The following ADGRL3 variants were observed in gnomAD, a reference collection of about 807,000 sequenced individuals.
ADGRL3 encodes calcium-independent alpha-latrotoxin receptor 3.
In ADGRL3, 62 loss-of-function variants were observed where a neutral mutation model predicts 153.5. The ratio of observed to expected loss-of-function variants is 0.40; its 90% CI spans 0.33 to 0.50. The LOEUF (loss-of-function observed/expected upper bound fraction) is 0.50, where lower values mean the gene tolerates loss of function less well. Among genes scored for constraint, ADGRL3 ranks in the 20% least tolerant of loss-of-function variants. The pLI, the probability that ADGRL3 is intolerant of heterozygous loss-of-function variation, is 0.47. For missense variants in ADGRL3, 1,641 were observed against 1,859.4 expected, an observed-to-expected ratio of 0.88 and a Z score of 2.16; for synonymous variants, 710 against 672.5, an observed-to-expected ratio of 1.06 and a Z score of -0.86.
intron 5 of ADGRL3, among the ~76,000 whole-genome samples, chr4:61,673,856 G>T (rs962174816): frequency 6.6e-6 from 1 of 150,900 alleles, no homozygotes; most frequent in Non-Finnish European, 1.5e-5. Context: ...ATTTTGAAAG[G>T]TGAATGTTAT....
intron 8 of ADGRL3, among the ~76,000 whole-genome samples, chr4:61,812,311 C>T (rs1241382745): frequency 1.3e-5 from 2 of 152,166 alleles, no homozygotes; most frequent in Non-Finnish European, 2.9e-5. Context: ...ACTGTCTCTG[C>T]TGTTAGCTGG....
At chr4:61,573,971 C>G (rs2149177108) in intron 4 of ADGRL3, among the ~76,000 whole-genome samples, 1 of 151,984 alleles carries the variant, frequency 6.6e-6, no homozygotes, top group South Asian at 2.1e-4. Context: ...AGTGTATAGA[C>G]AATAAAAATG....
intron 4 of ADGRL3, among the ~76,000 whole-genome samples, chr4:61,521,150 G>A (rs574771755): frequency 6.6e-6 from 1 of 152,292 alleles, no homozygotes; most frequent in Non-Finnish European, 1.5e-5. Context: ...TGTGGAGCAT[G>A]TAGGGGGATT....
chr4:62,058,981 A>G (rs957985817), intron 25 of ADGRL3, among the ~76,000 whole-genome samples: 1 of 152,178 alleles, frequency 6.6e-6, no homozygotes. Flanking sequence ...AAGGGGGAAG[A>G]AGACAGCTTC....
In ADGRL3 at chr4:61,827,219, G is replaced by A. The variant is rs143306836; in HGVS notation, c.1480+13330G>A. Among the ~76,000 whole-genome samples the A allele has an allele frequency of 3.9e-5, 6 of 152,258 alleles. No individual in the cohort carries two copies. The East Asian group carries it at 5.8e-4, about 15-fold the overall frequency. On this transcript the variant is annotated intron_variant, in intron 9 of 26. Coordinates refer to ENST00000683033, the MANE Select transcript of ADGRL3 (RefSeq NM_001387552.1). ...CTAACGGATAACCAATGAAAAGACC[G>A]CATTTGCTGTGCCCACACAATCAGA...
intron 4 of ADGRL3, among the ~76,000 whole-genome samples, chr4:61,566,976 GTTTAC>G (rs1268102117): frequency 2.0e-5 from 3 of 151,954 alleles, no homozygotes; most frequent in Admixed American, 1.3e-4. Context: ...ATTATTAATC[GTTTAC>G]TTTACTTCCC....
intron 8 of ADGRL3, among the ~76,000 whole-genome samples, chr4:61,783,959 A>G (rs1329918447): frequency 6.6e-6 from 1 of 152,104 alleles, no homozygotes; most frequent in East Asian, 1.9e-4. Context: ...TGATGTAAGA[A>G]AATGCAACTT....
At chr4:61,287,160 A>C (rs1020508032) in intron 1 of ADGRL3, among the ~76,000 whole-genome samples, 1 of 151,918 alleles carries the variant, frequency 6.6e-6, no homozygotes, top group African/African-American at 2.4e-5. Flanking sequence ...GAAACAGTCC[A>C]AGTACACAAT....
intron 1 of ADGRL3, among the ~76,000 whole-genome samples, chr4:61,251,232 C>T (rs1275348128): frequency 6.6e-6 from 1 of 152,182 alleles, no homozygotes; most frequent in Non-Finnish European, 1.5e-5. Context: ...CATCTGGAGG[C>T]TCTTTCACTC....
chr4:61,866,730 T>G (rs1036877427), intron 9 of ADGRL3, among the ~76,000 whole-genome samples: 1 of 152,184 alleles, frequency 6.6e-6, no homozygotes, highest in Non-Finnish European at 1.5e-5. Context: ...CTTCTGGCAT[T>G]AACTAAAATG....
At chr4:61,231,973 G>A (rs559040207) in intron 1 of ADGRL3, among the ~76,000 whole-genome samples, 1 of 151,710 alleles carries the variant, frequency 6.6e-6, no homozygotes, top group East Asian at 1.9e-4. Context: ...CAGTGTGTGG[G>A]GAAGCATTAC....
At chr4:61,212,950 C>A (rs1390724830) in intron 1 of ADGRL3, among the ~76,000 whole-genome samples, 1 of 152,036 alleles carries the variant, frequency 6.6e-6, no homozygotes, top group African/African-American at 2.4e-5. Flanking sequence ...GCCTGCTGGG[C>A]TGCAGACAGT....
chr4:61,517,599 A>G (rs1247805234), intron 4 of ADGRL3, 81 bp downstream of exon 4: 21 of 676,336 alleles, frequency 3.1e-5, no homozygotes, highest in Non-Finnish European at 4.3e-5. Context: ...AAATGCCCGA[A>G]ATGTGTCTTC....
At chr4:61,577,742 G>A (rs1394677927) in intron 4 of ADGRL3, among the ~76,000 whole-genome samples, 4 of 151,650 alleles carry the variant, frequency 2.6e-5, no homozygotes, top group African/African-American at 9.7e-5. Context: ...GAGACCAGGA[G>A]TTCGAGGTTG....
intron 3 of ADGRL3, among the ~76,000 whole-genome samples, chr4:61,505,783 T>A (rs1271454414): frequency 6.6e-6 from 1 of 151,674 alleles, no homozygotes; most frequent in East Asian, 1.9e-4. Flanking sequence ...AATCCACATA[T>A]TATATATTAG....
At chr4:61,878,442 T>C (rs557954548) in intron 9 of ADGRL3, among the ~76,000 whole-genome samples, 1 of 152,350 alleles carries the variant, frequency 6.6e-6, no homozygotes, top group East Asian at 1.9e-4. Flanking sequence ...GCTATAAAAG[T>C]CATTGTCATT....
intron 25 of ADGRL3, among the ~76,000 whole-genome samples, chr4:62,052,719 G>T (rs1378957927): frequency 6.6e-6 from 1 of 150,850 alleles, no homozygotes; most frequent in Non-Finnish European, 1.5e-5. Context: ...TTTGGTGAGG[G>T]CAAAGATTAT....
chr4:61,636,917 CGTAACA>C (rs2093446848), intron 5 of ADGRL3, among the ~76,000 whole-genome samples: 1 of 151,556 alleles, frequency 6.6e-6, no homozygotes, highest in South Asian at 2.1e-4. Flanking sequence ...AAAAGTAAAA[CGTAACA>C]GTAAGAACAC....
At chr4:61,979,378 C>T (rs993403692) in intron 17 of ADGRL3, among the ~76,000 whole-genome samples, 185 bp from the exon 18 acceptor site, 6 of 152,108 alleles carry the variant, frequency 3.9e-5, no homozygotes, top group Admixed American at 2.6e-4. Context: ...TCACACCTCA[C>T]GGAAAAGACA....
Sources: allele counts gnomAD v4.1 joint callset (sites outside exome capture counted in the v4.1 genomes callset), GRCh38; gene constraint gnomAD v4.1.1; transcripts MANE v1.5; gene names NCBI Gene and HGNC (gene_info 2026-07-23, HGNC 2026-07-21).